POU2F3: variants seen among roughly 807,000 people sequenced by gnomAD.
POU2F3 encodes POU domain, class 2, transcription factor 3.
In POU2F3, 23 loss-of-function variants were observed where a neutral mutation model predicts 59.2. That is an observed-to-expected ratio of 0.39 (90% CI 0.28 to 0.55). POU2F3 has a LOEUF of 0.55. Among genes scored for constraint, POU2F3 ranks in the 20% least tolerant of loss-of-function variants. The pLI, the probability that POU2F3 is intolerant of heterozygous loss-of-function variation, is 0.66. For synonymous variants in POU2F3, 190 were observed against 214.6 expected, an observed-to-expected ratio of 0.89 and a Z score of 1.00; for missense variants, 473 against 544.5, an observed-to-expected ratio of 0.87 and a Z score of 1.31.
In POU2F3 at chr11:120,285,217, C is replaced by T. The variant is rs574678630; in HGVS notation, c.133-13048C>T. On this transcript the variant is annotated intron_variant, in intron 3 of 12. Transcript: ENST00000543440. This position sits in a 1 kb window ranked among gnomAD's most constrained non-coding sequence, Gnocchi z 4.3. Reference sequence around the variant, plus strand: ...AGCCTAAGAAAGAGTGATTCCAGTACGACCTATGCCTCATATACCAATTCT... The same window carrying T: ...AGCCTAAGAAAGAGTGATTCCAGTATGACCTATGCCTCATATACCAATTCT... Among the ~76,000 whole-genome samples, 11 of 152,264 alleles carry T rather than the reference C, an allele frequency of 7.2e-5. No individual in the cohort carries two copies. The highest frequency in any genetic ancestry group is 6.2e-4 in the South Asian group (3 of 4,828).
intron 3 of POU2F3, among the ~76,000 whole-genome samples, chr11:120,280,801 A>G: frequency 6.6e-6 from 1 of 152,170 alleles, no homozygotes; most frequent in Admixed American, 6.5e-5. Context: ...GCTTGCCAGC[A>G]GAGATGGTAG....
At position 120,307,499 on chromosome 11, in the gene POU2F3, TC is replaced by T; in HGVS notation, c.791del (p.Ser264Ter). On this transcript the variant is annotated frameshift_variant, in exon 9 of 13. Coordinates refer to ENST00000543440, the MANE Select transcript of POU2F3 (RefSeq NM_014352.4). LOFTEE classifies it high-confidence loss of function. ...NDAESSPSDP[S>X]VSTPSSYPSL... is the part of the protein sequence containing the mutation. Reference sequence around the variant, plus strand: ...TGCAGAGTCCTCTCCGTCAGACCCCTCAGTGAGCACGCCCAGCTCCTACCCC... The same window carrying T: ...TGCAGAGTCCTCTCCGTCAGACCCCTAGTGAGCACGCCCAGCTCCTACCCC... 1 of 1,614,126 alleles carries T rather than the reference TC, an allele frequency of 6.2e-7. No homozygotes were observed. The highest frequency in any genetic ancestry group is 8.5e-7 in the Non-Finnish European group (1 of 1,179,998).
Position 120,309,413 on chromosome 11 carries a change from CG to C in POU2F3, c.907-10del, listed in dbSNP as rs749999190. 25 of 1,606,324 alleles carry C rather than the reference CG, an allele frequency of 1.6e-5. 1 individual carries two copies. In the South Asian group the frequency reaches 2.2e-4, roughly 14 times the overall value. On this transcript the variant is annotated splice_polypyrimidine_tract_variant and intron_variant, in intron 9 of 12. Coordinates refer to ENST00000543440, the MANE Select transcript of POU2F3 (RefSeq NM_014352.4). ...TTCTCTTGGCCATACTCTGTCCTTT[CG>C]GTGCCTATAGAACCCAAAACCCAGC...
At chr11:120,306,613 C>T (rs187312647) in intron 8 of POU2F3, among the ~76,000 whole-genome samples, 1 of 152,180 alleles carries the variant, frequency 6.6e-6, no homozygotes, top group African/African-American at 2.4e-5. Flanking sequence ...ATGCAGAGTC[C>T]CCCCCGGTTG....
chr11:120,281,525 G>A lies in POU2F3; in HGVS notation c.132+12281G>A, dbSNP rs768552974. 4.9e-4 allele frequency among the ~76,000 whole-genome samples: 75 copies of A among 151,882 alleles called. No homozygotes were observed. The Middle Eastern group carries it at 0.024, about 48-fold the overall frequency. ...CCCCATACCCTCCTTGACCTCTGCT[G>A]CTTGTGTTCAGATCAAGTGTTGAGA... On this transcript the variant is annotated intron_variant, in intron 3 of 12. Transcript: ENST00000543440.
Position 120,246,535 on chromosome 11 carries a change from T to C in POU2F3, c.97+18T>C, listed in dbSNP as rs760430579. The C allele has an allele frequency of 2.4e-5, 39 of 1,608,438 alleles. No homozygotes were observed. The Middle Eastern group carries it at 8.2e-4, about 34-fold the overall frequency. ...GGAGCCAGGTAAGGGTCTTCTCTTC[T>C]CGGGGATGGAGGGGGTGGGGGGAAG... On this transcript the variant is annotated intron_variant, in intron 2 of 12. Transcript: ENST00000543440.
chr11:120,258,782 T>G (rs890837294), intron 2 of POU2F3: 2 of 152,180 alleles, frequency 1.3e-5, no homozygotes, highest in African/African-American at 4.8e-5. Context: ...CTGCTCAGGG[T>G]GCTCCTTCTG....
intron 3 of POU2F3, among the ~76,000 whole-genome samples, chr11:120,296,538 G>A (rs1184056004): frequency 2.0e-5 from 3 of 152,034 alleles, no homozygotes; most frequent in Admixed American, 6.5e-5. Context: ...TATTTTTCCT[G>A]ATCCTCTCCC....
At chr11:120,290,310 A>T (rs1165832931) in intron 3 of POU2F3, among the ~76,000 whole-genome samples, 1 of 152,238 alleles carries the variant, frequency 6.6e-6, no homozygotes, top group African/African-American at 2.4e-5. Context: ...CACTCTCAGT[A>T]ACTATTTGGG....
At chr11:120,239,895 G>A (rs1938591105), upstream of POU2F3, among the ~76,000 whole-genome samples, 2 of 152,262 alleles carry the variant, frequency 1.3e-5, no homozygotes, top group South Asian at 4.1e-4. Flanking sequence ...TTCCTAAAAA[G>A]GGCGAGCAGG....
rs965734426 is a variant in POU2F3 at position 120,318,585 on chromosome 11, C to T, written c.*193C>T. 15 of 581,076 alleles carry T rather than the reference C, an allele frequency of 2.6e-5. No homozygotes were observed. Among genetic ancestry groups the T allele is most frequent in the South Asian group, 9.3e-5 (4 of 43,158 alleles). 36.0% of individuals were successfully genotyped at this position (581,076 alleles called of 1,614,324 possible). A position where few individuals can be genotyped will look rare whatever the true frequency, so the allele number is the denominator to read the frequency against. ...AAACTGTGATTGAACCAAGTGCAGA[C>T]TCCTAATGCTCTTGAAATACACAGC... On this transcript the variant is annotated 3_prime_UTR_variant, in exon 13 of 13. Transcript: ENST00000543440.
chr11:120,245,126 C>T (rs1938817852), intron 1 of POU2F3, among the ~76,000 whole-genome samples: 1 of 152,188 alleles, frequency 6.6e-6, no homozygotes, highest in African/African-American at 2.4e-5. Flanking sequence ...TCCTGACTTT[C>T]TCCCCTATTT....
chr11:120,304,253 C>T (rs1168358433), intron 6 of POU2F3: 1 of 147,954 alleles, frequency 6.8e-6, no homozygotes, highest in Non-Finnish European at 1.5e-5. Context: ...ATGACTTAAG[C>T]CCAGGAGGTT....
rs143965670 is a variant in POU2F3, at chr11:120,266,432, C to G, written c.98-2778C>G. Among the ~76,000 whole-genome samples the G allele has an allele frequency of 4.5e-3, 689 of 152,214 alleles. 7 individuals carry two copies. Among genetic ancestry groups the G allele is most frequent in the African/African-American group, 0.016 (649 of 41,518 alleles). On this transcript the variant is annotated intron_variant, in intron 2 of 12. Coordinates refer to ENST00000543440, the MANE Select transcript of POU2F3 (RefSeq NM_014352.4). Reference sequence around the variant, plus strand: ...GCAGGTGTAAAGGCTTAAGTCAGATCATGTTACTCCTCTGCTTGGAACTCT... The same window carrying G: ...GCAGGTGTAAAGGCTTAAGTCAGATGATGTTACTCCTCTGCTTGGAACTCT...
At chr11:120,299,749 C>T in intron 5 of POU2F3, 23 bp downstream of exon 5, 1 of 1,592,690 alleles carries the variant, frequency 6.3e-7, no homozygotes. Flanking sequence ...GGGGTTTCCA[C>T]CTAGACCAAG....
intron 3 of POU2F3, among the ~76,000 whole-genome samples, chr11:120,283,564 A>C (rs1940656640): frequency 6.6e-6 from 1 of 152,056 alleles, no homozygotes; most frequent in East Asian, 1.9e-4. Flanking sequence ...GGAATGATGG[A>C]AGCTCCCGAA....
At chr11:120,268,268 G>A (rs753585430) in intron 2 of POU2F3, among the ~76,000 whole-genome samples, 8 of 151,886 alleles carry the variant, frequency 5.3e-5, no homozygotes, top group East Asian at 1.9e-4. Context: ...ACGTCCTCTC[G>A]GTAGGGTGAT....
chr11:120,241,725 G>A (rs190355650), intron 1 of POU2F3, among the ~76,000 whole-genome samples: 1 of 152,276 alleles, frequency 6.6e-6, no homozygotes, highest in African/African-American at 2.4e-5. Context: ...TGGATGGGAA[G>A]TTTTTTAGCA....
intron 3 of POU2F3, among the ~76,000 whole-genome samples, chr11:120,280,249 G>A (rs777524580): frequency 3.9e-5 from 6 of 152,164 alleles, no homozygotes; most frequent in Non-Finnish European, 8.8e-5. Flanking sequence ...CAGGCAGTGG[G>A]TTGAGTGCTT....
Sources: allele counts gnomAD v4.1 joint callset (sites outside exome capture counted in the v4.1 genomes callset), GRCh38; gene constraint gnomAD v4.1.1; non-coding constraint Gnocchi (gnomAD v3.1); transcripts MANE v1.5; gene names NCBI Gene and HGNC (gene_info 2026-07-23, HGNC 2026-07-21).